DTNB: variants seen among roughly 807,000 people sequenced by gnomAD.
DTNB encodes DTN-B.
Under a neutral mutation model 90.7 loss-of-function variants are expected in DTNB, and 63 were observed. The ratio of observed to expected loss-of-function variants is 0.69; its 90% CI spans 0.57 to 0.86. The LOEUF (loss-of-function observed/expected upper bound fraction) is 0.86, where lower values mean the gene tolerates loss of function less well. Ranked by LOEUF, DTNB falls within the 40% of genes least tolerant of loss-of-function variation. DTNB has a pLI of 0.00. For synonymous variants in DTNB, 277 were observed against 286.7 expected (o/e 0.97, Z 0.34); for missense variants, 744 against 807.1 (o/e 0.92, Z 0.95).
chr2:25,506,709 A>G (rs1174992298), intron 9 of DTNB, among the ~76,000 whole-genome samples: 1 of 152,244 alleles, frequency 6.6e-6, no homozygotes, highest in African/African-American at 2.4e-5. Context: ...TGTATCAATA[A>G]GAATTGTTAA....
At chr2:25,581,661 T>C (rs973297164) in intron 6 of DTNB, among the ~76,000 whole-genome samples, 1 of 152,246 alleles carries the variant, frequency 6.6e-6, no homozygotes, top group Non-Finnish European at 1.5e-5. Flanking sequence ...TAGAGTTATA[T>C]GATATAGAGA....
At chr2:25,479,155 T>C (rs2064365890) in intron 10 of DTNB, among the ~76,000 whole-genome samples, 1 of 152,234 alleles carries the variant, frequency 6.6e-6, no homozygotes, top group Non-Finnish European at 1.5e-5. Context: ...CTTTTGTTAC[T>C]TCCACAGTTC....
chr2:25,445,419 A>G (rs1430248508), intron 12 of DTNB, among the ~76,000 whole-genome samples: 1 of 152,210 alleles, frequency 6.6e-6, no homozygotes, highest in Non-Finnish European at 1.5e-5. Context: ...TTTCAAGGAA[A>G]GGATTTTGAA....
intron 2 of DTNB, among the ~76,000 whole-genome samples, chr2:25,645,344 C>T (rs1444776901): frequency 8.0e-6 from 1 of 125,158 alleles, no homozygotes; most frequent in South Asian, 2.5e-4. Context: ...GGTGACAGAG[C>T]AAGACTCCAT....
chr2:25,627,188 G>A (rs939040925), intron 4 of DTNB, among the ~76,000 whole-genome samples: 6 of 152,140 alleles, frequency 3.9e-5, no homozygotes, highest in South Asian at 2.1e-4. Flanking sequence ...CAAGGTGGGC[G>A]GATCACCTGA....
intron 9 of DTNB, among the ~76,000 whole-genome samples, chr2:25,518,486 CTCTG>C (rs1382410893): frequency 6.6e-6 from 1 of 152,100 alleles, no homozygotes; most frequent in Admixed American, 6.6e-5. Flanking sequence ...ATAAGCATCC[CTCTG>C]TCTCTCACAC....
chr2:25,579,784 TTA>T (rs1230514325), intron 7 of DTNB, among the ~76,000 whole-genome samples: 3 of 152,206 alleles, frequency 2.0e-5, no homozygotes, highest in South Asian at 4.2e-4. Flanking sequence ...TCCAAAATAA[TTA>T]TAGTTTTAGC....
intron 10 of DTNB, among the ~76,000 whole-genome samples, chr2:25,469,925 T>C (rs192460285): frequency 1.5e-3 from 222 of 152,298 alleles, no homozygotes; most frequent in African/African-American, 5.1e-3. Flanking sequence ...CAATATCATC[T>C]GCTAAAATTT....
At chr2:25,568,477 TA>T (rs1037970686) in intron 8 of DTNB, among the ~76,000 whole-genome samples, 3 of 150,732 alleles carry the variant, frequency 2.0e-5, no homozygotes, top group South Asian at 2.1e-4. Flanking sequence ...AATAGTGATT[TA>T]AAAAAAAACA....
chr2:25,668,398 T>C (rs1226395659), intron 1 of DTNB, among the ~76,000 whole-genome samples: 1 of 152,210 alleles, frequency 6.6e-6, no homozygotes, highest in Non-Finnish European at 1.5e-5. Flanking sequence ...AAGGTAAAAC[T>C]ATAGCCATGT....
intron 10 of DTNB, among the ~76,000 whole-genome samples, chr2:25,469,828 T>G (rs1465561343): frequency 1.3e-5 from 2 of 152,152 alleles, no homozygotes; most frequent in Non-Finnish European, 2.9e-5. Context: ...GATTAGACAG[T>G]GCTTTGGAGA....
chr2:25,436,439 G>A (rs980666541), intron 12 of DTNB, among the ~76,000 whole-genome samples: 2 of 152,078 alleles, frequency 1.3e-5, no homozygotes, highest in African/African-American at 2.4e-5. Flanking sequence ...AGGGCTCCAC[G>A]ATGACCCTGC....
intron 9 of DTNB, among the ~76,000 whole-genome samples, chr2:25,502,832 G>C (rs1040039458): frequency 6.8e-6 from 1 of 147,858 alleles, no homozygotes; most frequent in Admixed American, 6.8e-5. Flanking sequence ...TTTGCAGTGA[G>C]CTGAGATTGC....
At chr2:25,638,107 G>A (rs1485471967) in intron 3 of DTNB, among the ~76,000 whole-genome samples, 1 of 152,152 alleles carries the variant, frequency 6.6e-6, no homozygotes, top group African/African-American at 2.4e-5. Flanking sequence ...ACTATCGCAA[G>A]GACAGAAAAG....
chr2:25,460,090 A>G (rs1372048317), intron 10 of DTNB, among the ~76,000 whole-genome samples: 4 of 152,190 alleles, frequency 2.6e-5, no homozygotes, highest in Non-Finnish European at 5.9e-5. Context: ...GTCGTAAGAA[A>G]TAACAGAATC....
intron 16 of DTNB, among the ~76,000 whole-genome samples, chr2:25,410,664 G>A (rs1164350820): frequency 6.6e-6 from 1 of 152,160 alleles, no homozygotes. Flanking sequence ...ACACAGGTAT[G>A]GGGCTTCAGT....
At chr2:25,591,274 G>A (rs527670160) in intron 6 of DTNB, among the ~76,000 whole-genome samples, 46 of 152,260 alleles carry the variant, frequency 3.0e-4, no homozygotes, top group African/African-American at 8.7e-4. Flanking sequence ...CTGCAGCTGC[G>A]CCCAGGGAAG....
intron 1 of DTNB, among the ~76,000 whole-genome samples, chr2:25,662,672 AC>A (rs1422652903): frequency 2.4e-4 from 18 of 74,246 alleles, no homozygotes; most frequent in East Asian, 1.7e-3. Context: ...ACACACACAC[AC>A]ACACACAAAC....
intron 5 of DTNB, among the ~76,000 whole-genome samples, chr2:25,598,084 T>G (rs2065018899): frequency 6.6e-6 from 1 of 152,204 alleles, no homozygotes; most frequent in Non-Finnish European, 1.5e-5. Context: ...GTAGCGGTCA[T>G]GTGACTAACT....
Sources: gnomAD v4.1 joint callset for allele counts (sites outside exome capture counted in the v4.1 genomes callset) on GRCh38, gnomAD v4.1.1 for gene constraint, MANE v1.5 for transcripts, NCBI Gene and HGNC (gene_info 2026-07-23, HGNC 2026-07-21) for gene names.